Variants in TMEM245 observed in about 807,000 individuals in gnomAD.
TMEM245 encodes protein CG-2.
A neutral mutation model predicts 101.2 loss-of-function variants in TMEM245; 69 were observed. The observed-to-expected ratio is 0.68, with a 90% confidence interval of 0.56 to 0.83. The LOEUF is 0.83. TMEM245 is among the 40% of genes least tolerant of loss of function. The pLI is 0.00. For missense variants in TMEM245, 1,075 were observed against 1,092.8 expected (o/e 0.98, Z 0.23); for synonymous variants, 537 against 449.8 (o/e 1.19, Z -2.45).
intron 12 of TMEM245, 107 bp from the exon 13 acceptor site, chr9:109,050,799 G>T: frequency 8.6e-7 from 1 of 1,167,560 alleles, no homozygotes; most frequent in Non-Finnish European, 1.2e-6. Context: ...GAACTGAAAA[G>T]CTAAGAACTG....
chr9:109,043,995 A>C (rs17792908), intron 14 of TMEM245, among the ~76,000 whole-genome samples: 8,051 of 152,290 alleles, frequency 0.053, 341 homozygotes, highest in South Asian at 0.14. Context: ...AAAGGTGTGA[A>C]TATCCATGCC....
intron 1 of TMEM245, among the ~76,000 whole-genome samples, chr9:109,109,180 G>C (rs148681719): frequency 7.6e-4 from 116 of 152,242 alleles, no homozygotes; most frequent in African/African-American, 2.7e-3. Context: ...AATATTATTA[G>C]AGGAACAAAC....
chr9:109,030,318 A>G (rs1827908460), intron 17 of TMEM245, among the ~76,000 whole-genome samples: 1 of 149,846 alleles, frequency 6.7e-6, no homozygotes, highest in African/African-American at 2.6e-5. Context: ...AGTAACTTTG[A>G]AAGACAAAGG....
chr9:109,106,215 C>A (rs1362159620), intron 3 of TMEM245, among the ~76,000 whole-genome samples: 1 of 108,960 alleles, frequency 9.2e-6, no homozygotes, highest in Non-Finnish European at 2.1e-5. Context: ...CAGAGCAAGA[C>A]CTTGTCACTA....
chr9:109,092,008 G>GA (rs1296953498), intron 4 of TMEM245, among the ~76,000 whole-genome samples: 2 of 152,136 alleles, frequency 1.3e-5, no homozygotes, highest in East Asian at 1.9e-4. Context: ...TCATACGTCA[G>GA]AAAAAAAGTC....
At chr9:109,055,892 C>A (rs1484528376) in intron 12 of TMEM245, among the ~76,000 whole-genome samples, 1 of 152,164 alleles carries the variant, frequency 6.6e-6, no homozygotes, top group African/African-American at 2.4e-5. Flanking sequence ...CCTCGGCCTC[C>A]CAAAGTGCTG....
chr9:109,116,406 G>C (rs978654418), intron 1 of TMEM245, among the ~76,000 whole-genome samples: 1 of 152,154 alleles, frequency 6.6e-6, no homozygotes, highest in East Asian at 1.9e-4. Context: ...GACTGGGGGT[G>C]GGGGAGGTCT....
rs76074026 is a variant in TMEM245 at position 109,070,211 on chromosome 9, C to T, written c.1532+3145G>A. Reference sequence around the variant, plus strand: ...CTCTCATCTGATTCCTGGACTTACACAGCAACTGCCCATTTTTTAACTTCA... The same window carrying T: ...CTCTCATCTGATTCCTGGACTTACATAGCAACTGCCCATTTTTTAACTTCA... On this transcript the variant is annotated intron_variant, in intron 9 of 17. Transcript: ENST00000374586. Among the ~76,000 whole-genome samples the T allele has an allele frequency of 2.2e-4, 34 of 152,308 alleles. No homozygotes were observed. In the East Asian group the frequency reaches 4.6e-3, roughly 21 times the overall value.
intron 1 of TMEM245, among the ~76,000 whole-genome samples, chr9:109,115,206 C>T (rs937739640): frequency 1.3e-5 from 2 of 151,908 alleles, no homozygotes; most frequent in Non-Finnish European, 2.9e-5. Context: ...AAAAATTAGC[C>T]GGGCGTGGTG....
At chr9:109,071,723 C>T (rs940042108) in intron 9 of TMEM245, among the ~76,000 whole-genome samples, 2 of 152,034 alleles carry the variant, frequency 1.3e-5, no homozygotes, top group African/African-American at 4.8e-5. Flanking sequence ...ACTTATAAGC[C>T]TAAAACTGGC....
chr9:109,069,891 G>T (rs1018175041), intron 9 of TMEM245, among the ~76,000 whole-genome samples: 1 of 152,142 alleles, frequency 6.6e-6, no homozygotes, highest in Non-Finnish European at 1.5e-5. Context: ...ATGGGCTTCT[G>T]CTACACCAAT....
Position 109,024,656 on chromosome 9 carries a change from A to T in TMEM245, c.2595-4151T>A, listed in dbSNP as rs751388706. 1.1e-4 allele frequency among the ~76,000 whole-genome samples: 17 copies of T among 152,210 alleles called. 1 individual carries two copies. In the South Asian group the frequency reaches 2.1e-3, roughly 19 times the overall value. ...AAGGGTACTTTGAGTATACACCATG[A>T]TACTGGACTTGGCTAGGAGGGAAGT... On this transcript the variant is annotated intron_variant, in intron 17 of 17. Transcript: ENST00000374586.
intron 8 of TMEM245, among the ~76,000 whole-genome samples, chr9:109,075,313 A>ATTGTTTATT (rs1357733444): frequency 6.6e-6 from 1 of 152,206 alleles, no homozygotes; most frequent in East Asian, 1.9e-4. Flanking sequence ...TATAAGGGAT[A>ATTGTTTATT]CTGGTCTGCA....
At chr9:109,050,801 T>A in intron 12 of TMEM245, 109 bp from the exon 13 acceptor site, 1 of 1,185,292 alleles carries the variant, frequency 8.4e-7, no homozygotes, top group South Asian at 1.9e-5. Flanking sequence ...ACTGAAAAGC[T>A]AAGAACTGAG....
chr9:109,062,260 G>A (rs775486909), intron 10 of TMEM245, among the ~76,000 whole-genome samples: 1 of 152,064 alleles, frequency 6.6e-6, no homozygotes, highest in African/African-American at 2.4e-5. Flanking sequence ...GCCTCCCAAA[G>A]TGCTGGGATT....
chr9:109,090,765 T>A (rs1829977543), intron 5 of TMEM245, among the ~76,000 whole-genome samples, 157 bp downstream of exon 5: 1 of 151,716 alleles, frequency 6.6e-6, no homozygotes, highest in African/African-American at 2.4e-5. Flanking sequence ...AGTAATAAAT[T>A]AACCAAATGG....
At chr9:109,071,355 TC>T (rs2132479679) in intron 9 of TMEM245, among the ~76,000 whole-genome samples, 1 of 148,982 alleles carries the variant, frequency 6.7e-6, no homozygotes, top group East Asian at 2.1e-4. Flanking sequence ...ATGCCTGTAA[TC>T]CCAGCACTTC....
chr9:109,038,136 AAAAG>A lies in TMEM245; in HGVS notation c.2124-23_2124-20del, dbSNP rs752142221. 9 of 1,592,092 alleles carry A rather than the reference AAAAG, an allele frequency of 5.7e-6. No homozygotes were observed. The South Asian group carries it at 6.7e-5, about 12-fold the overall frequency. ...CACCCCTCTGGAATGCCCAAAGATA[AAAAG>A]AAAGAGTAAATAAACAGTGTCATAT... is the stretch of plus-strand genomic sequence containing the variant. On this transcript the variant is annotated intron_variant, in intron 14 of 17. Coordinates refer to ENST00000374586, the MANE Select transcript of TMEM245 (RefSeq NM_032012.4).
intron 3 of TMEM245, among the ~76,000 whole-genome samples, chr9:109,099,206 C>G (rs1045387522): frequency 2.0e-5 from 3 of 152,186 alleles, no homozygotes; most frequent in African/African-American, 7.2e-5. Flanking sequence ...TCTAGTATCA[C>G]GTCACAAGGG....
Sources: allele counts gnomAD v4.1 joint callset (sites outside exome capture counted in the v4.1 genomes callset), GRCh38; gene constraint gnomAD v4.1.1; transcripts MANE v1.5; gene names NCBI Gene and HGNC (gene_info 2026-07-23, HGNC 2026-07-21).